CSGALNACT1: variants seen among roughly 807,000 people sequenced by gnomAD.
CSGALNACT1 encodes the protein chondroitin sulfate N-acetylgalactosaminyltransferase 1, also known as beta4GalNAcT-1.
In CSGALNACT1, 52 loss-of-function variants were observed where a neutral mutation model predicts 51.0. The ratio of observed to expected loss-of-function variants is 1.02; its 90% CI spans 0.82 to 1.29. The LOEUF is 1.29. CSGALNACT1 is among the 50% of genes most tolerant of loss of function. The probability of loss-of-function intolerance (pLI) is 0.00; values close to 1 mark genes in which losing one functional copy is unlikely to be tolerated. For synonymous variants in CSGALNACT1, 341 were observed against 254.4 expected, an observed-to-expected ratio of 1.34 and a Z score of -3.24; for missense variants, 935 against 679.2, an observed-to-expected ratio of 1.38 and a Z score of -4.19.
intron 1 of CSGALNACT1, among the ~76,000 whole-genome samples, chr8:19,702,223 A>T (rs533090781): frequency 2.6e-5 from 4 of 152,218 alleles, no homozygotes; most frequent in Non-Finnish European, 5.9e-5. Context: ...TATTCAGTGG[A>T]TCCCTAGAGC....
At chr8:19,628,192 G>A (rs1422861844) in intron 1 of CSGALNACT1, among the ~76,000 whole-genome samples, 7 of 152,184 alleles carry the variant, frequency 4.6e-5, no homozygotes, top group Non-Finnish European at 1.0e-4. Flanking sequence ...ACCCAAGACT[G>A]GGTGATTTAC....
chr8:19,437,740 C>T (rs1248459234), intron 6 of CSGALNACT1, among the ~76,000 whole-genome samples: 1 of 152,134 alleles, frequency 6.6e-6, no homozygotes, highest in African/African-American at 2.4e-5. Context: ...GTTAATTTTG[C>T]CAAAGTTTAC....
chr8:19,725,404 C>T (rs901884904), intron 1 of CSGALNACT1, among the ~76,000 whole-genome samples: 20 of 148,262 alleles, frequency 1.3e-4, no homozygotes, highest in African/African-American at 5.0e-4. Flanking sequence ...AAGACTTCAC[C>T]TTTTTTCTTT....
intron 1 of CSGALNACT1, among the ~76,000 whole-genome samples, chr8:19,653,879 T>C (rs1171025653): frequency 1.3e-5 from 2 of 152,074 alleles, no homozygotes; most frequent in African/African-American, 4.8e-5. Context: ...CCTACCCACA[T>C]CTCCCCTTAG....
chr8:19,630,438 C>G (rs1393369505), intron 1 of CSGALNACT1, among the ~76,000 whole-genome samples: 2 of 152,022 alleles, frequency 1.3e-5, no homozygotes. Context: ...TTATTAACAT[C>G]ATGCATTGGT....
At chr8:19,613,027 T>C (rs960784846) in intron 1 of CSGALNACT1, among the ~76,000 whole-genome samples, 3 of 143,940 alleles carry the variant, frequency 2.1e-5, no homozygotes, top group Non-Finnish European at 4.5e-5. Flanking sequence ...ACTTGTCTCA[T>C]GAATTTTCAT....
At chr8:19,419,772 C>T (rs2057595270) in intron 7 of CSGALNACT1, among the ~76,000 whole-genome samples, 1 of 152,066 alleles carries the variant, frequency 6.6e-6, no homozygotes, top group South Asian at 2.1e-4. Flanking sequence ...GAAAAGAGTC[C>T]CAGAATTATG....
At chr8:19,523,181 C>T (rs10111704) in intron 3 of CSGALNACT1, among the ~76,000 whole-genome samples, 6,056 of 152,196 alleles carry the variant, frequency 0.04, 301 homozygotes, top group East Asian at 0.13. Flanking sequence ...GGGCGGGGCA[C>T]CACCTTCTCA....
At chr8:19,666,662 C>T (rs2059196070) in intron 1 of CSGALNACT1, among the ~76,000 whole-genome samples, 2 of 150,540 alleles carry the variant, frequency 1.3e-5, no homozygotes, top group Admixed American at 1.3e-4. Flanking sequence ...TGTGCTACTG[C>T]ACTCCAGCCT....
upstream of CSGALNACT1, among the ~76,000 whole-genome samples, chr8:19,605,697 T>C (rs538658292): frequency 8.8e-4 from 134 of 152,262 alleles, no homozygotes; most frequent in African/African-American, 3.2e-3. Context: ...TTGCAAGTTT[T>C]TCAGTTGGGA....
At chr8:19,493,268 C>T (rs1287640098) in intron 4 of CSGALNACT1, among the ~76,000 whole-genome samples, 1 of 152,158 alleles carries the variant, frequency 6.6e-6, no homozygotes, top group Non-Finnish European at 1.5e-5. Flanking sequence ...AAAGCCTTTT[C>T]ATTAGTCTCC....
exon 8 of CSGALNACT1, chr8:19,418,676 G>A (rs2057351542): frequency 1.2e-6 from 2 of 1,612,528 alleles, no homozygotes; most frequent in South Asian, 1.1e-5. Flanking sequence ...TCCAAGGGAG[G>A]GACTGCATCA....
At chr8:19,505,337 G>C in exon 4 of CSGALNACT1, 2 of 1,614,182 alleles carry the variant, frequency 1.2e-6, no homozygotes, top group Non-Finnish European at 1.7e-6. Context: ...TCTCCTCGGG[G>C]TGGCGGGTAA....
intron 4 of CSGALNACT1, among the ~76,000 whole-genome samples, chr8:19,481,593 G>A (rs1202495319): frequency 6.6e-6 from 1 of 152,146 alleles, no homozygotes; most frequent in African/African-American, 2.4e-5. Context: ...GAACCACCCT[G>A]TGAAAACAAA....
chr8:19,509,825 A>C (rs542498360), intron 3 of CSGALNACT1, among the ~76,000 whole-genome samples: 1 of 152,244 alleles, frequency 6.6e-6, no homozygotes, highest in South Asian at 2.1e-4. Flanking sequence ...GCAACGTGTA[A>C]TTACCAAGCA....
chr8:19,731,286 T>C (rs1208037968), intron 1 of CSGALNACT1, among the ~76,000 whole-genome samples: 1 of 152,076 alleles, frequency 6.6e-6, no homozygotes. Context: ...GGCAGGCGGA[T>C]CACCTAAGGT....
chr8:19,699,348 AG>A (rs1318622322), intron 1 of CSGALNACT1, among the ~76,000 whole-genome samples: 2 of 152,270 alleles, frequency 1.3e-5, no homozygotes, highest in African/African-American at 4.8e-5. Flanking sequence ...CCATGTTCAT[AG>A]TAGCATTATT....
rs536974245 is a variant in CSGALNACT1, at chr8:19,668,029, A to C, written c.-544+14444T>G. ...ATATTAGAAGAAGCTAGAAAGTAAG[A>C]ATATAAAAACTTGACCAGCATATAT... On this transcript the variant is annotated intron_variant, in intron 1 of 9. Coordinates refer to the CSGALNACT1 transcript ENST00000332246. Among the ~76,000 whole-genome samples, 106 of 152,332 alleles carry C rather than the reference A, an allele frequency of 7.0e-4. 1 individual carries two copies. The highest frequency in any genetic ancestry group is 1.3e-3 in the Non-Finnish European group (87 of 68,030).
chr8:19,440,022 T>C, intron 5 of CSGALNACT1, 91 bp from the exon 5 acceptor site: 2 of 1,077,334 alleles, frequency 1.9e-6, no homozygotes, highest in Admixed American at 1.8e-5. Flanking sequence ...TGCAAAAGGG[T>C]CTTGAAGGAA....
Sources: allele counts gnomAD v4.1 joint callset (sites outside exome capture counted in the v4.1 genomes callset), GRCh38; gene constraint gnomAD v4.1.1; transcripts MANE v1.5; gene names NCBI Gene and HGNC (gene_info 2026-07-23, HGNC 2026-07-21).